KCNH7: variants seen among roughly 807,000 people sequenced by gnomAD.
KCNH7 encodes the protein voltage-gated inwardly rectifying potassium channel KCNH7.
KCNH7 carries 49 observed loss-of-function variants against 120.8 expected under a neutral mutation model. The observed-to-expected ratio is 0.41, with a 90% CI of 0.32 to 0.51. The LOEUF is 0.51. Among genes scored for constraint, KCNH7 ranks in the 20% least tolerant of loss-of-function variants. KCNH7 has a pLI of 0.38. For missense variants in KCNH7, 1,097 were observed against 1,446.6 expected (o/e 0.76, Z 3.92); for synonymous variants, 547 against 516.1 (o/e 1.06, Z -0.81).
chr2:162,803,180 C>T (rs1379336972), intron 2 of KCNH7, among the ~76,000 whole-genome samples: 1 of 151,638 alleles, frequency 6.6e-6, no homozygotes, highest in Non-Finnish European at 1.5e-5. Context: ...CTAAACTTCT[C>T]GATAGACTCC....
chr2:162,550,914 A>G (rs1040022762), intron 2 of KCNH7, among the ~76,000 whole-genome samples: 77 of 150,924 alleles, frequency 5.1e-4, no homozygotes, highest in African/African-American at 1.8e-3. Flanking sequence ...AATAATAATA[A>G]TAAGGCACTA....
intron 2 of KCNH7, among the ~76,000 whole-genome samples, chr2:162,551,726 A>T (rs888061111): frequency 2.8e-4 from 43 of 152,300 alleles, no homozygotes; most frequent in African/African-American, 9.9e-4. Context: ...CACCTCCCAT[A>T]ATCAATACTT....
At chr2:162,632,205 C>T (rs1306926079) in intron 2 of KCNH7, among the ~76,000 whole-genome samples, 4 of 151,704 alleles carry the variant, frequency 2.6e-5, no homozygotes, top group South Asian at 2.1e-4. Flanking sequence ...ACAGCTTTTC[C>T]GTAAAGCAGG....
chr2:162,529,201 C>T (rs563783784), intron 3 of KCNH7, among the ~76,000 whole-genome samples: 3 of 152,006 alleles, frequency 2.0e-5, no homozygotes, highest in Admixed American at 6.6e-5. Context: ...TGTAAGTAAA[C>T]AATGAGTTTG....
intron 2 of KCNH7, among the ~76,000 whole-genome samples, chr2:162,656,320 T>C (rs1479139781): frequency 1.3e-5 from 2 of 152,194 alleles, no homozygotes; most frequent in Non-Finnish European, 2.9e-5. Context: ...ATAAAGTCTG[T>C]AAAGACCATA....
chr2:162,601,904 A>G (rs116350948), intron 2 of KCNH7, among the ~76,000 whole-genome samples: 6,784 of 152,188 alleles, frequency 0.045, 237 homozygotes, highest in Middle Eastern at 0.095. Context: ...ATAAAAGTGA[A>G]AGTAGTTTAG....
intron 2 of KCNH7, among the ~76,000 whole-genome samples, chr2:162,782,788 C>A (rs2105498463): frequency 6.6e-6 from 1 of 152,290 alleles, no homozygotes; most frequent in Non-Finnish European, 1.5e-5. Flanking sequence ...CAAGGCCATC[C>A]ATGGAACAGG....
chr2:162,582,148 A>T (rs1693890630), intron 2 of KCNH7, among the ~76,000 whole-genome samples: 1 of 152,060 alleles, frequency 6.6e-6, no homozygotes, highest in African/African-American at 2.4e-5. Flanking sequence ...AAAGGTCAAG[A>T]TTACCCCTGC....
chr2:162,465,043 G>C (rs1239359586), intron 6 of KCNH7, among the ~76,000 whole-genome samples: 1 of 152,092 alleles, frequency 6.6e-6, no homozygotes, highest in African/African-American at 2.4e-5. Flanking sequence ...ACATCAGAAA[G>C]GGGAAAGTCT....
At chr2:162,699,552 A>T (rs1686414803) in intron 2 of KCNH7, among the ~76,000 whole-genome samples, 1 of 152,170 alleles carries the variant, frequency 6.6e-6, no homozygotes, top group African/African-American at 2.4e-5. Flanking sequence ...TCTGGGTTGC[A>T]TGTGCAGAAT....
chr2:162,392,923 T>C (rs915907351), intron 12 of KCNH7, among the ~76,000 whole-genome samples: 1 of 151,424 alleles, frequency 6.6e-6, no homozygotes, highest in Admixed American at 6.6e-5. Context: ...CAGTGTGGAA[T>C]AGATGAGAGA....
At chr2:162,447,799 CATA>C (rs972969237) in intron 6 of KCNH7, among the ~76,000 whole-genome samples, 32 of 152,130 alleles carry the variant, frequency 2.1e-4, no homozygotes, top group African/African-American at 7.2e-4. Flanking sequence ...TTTATCCCCA[CATA>C]ATGAGTTACC....
intron 2 of KCNH7, among the ~76,000 whole-genome samples, chr2:162,704,307 C>A (rs1012754955): frequency 6.6e-6 from 1 of 151,914 alleles, no homozygotes; most frequent in Admixed American, 6.6e-5. Context: ...AAAATAATGG[C>A]AAATCATTAT....
At chr2:162,648,990 G>A (rs1045676526) in intron 2 of KCNH7, among the ~76,000 whole-genome samples, 1 of 152,170 alleles carries the variant, frequency 6.6e-6, no homozygotes. Flanking sequence ...CCAGGTTTTG[G>A]CAGGACATTG....
intron 8 of KCNH7, among the ~76,000 whole-genome samples, chr2:162,433,505 G>C (rs566454732): frequency 4.3e-4 from 66 of 152,108 alleles, no homozygotes; most frequent in African/African-American, 1.5e-3. Context: ...CTTCAACAAA[G>C]TTGATGAAAA....
chr2:162,656,319 G>A lies in KCNH7; in HGVS notation c.308-119239C>T, dbSNP rs1684759549. Among the ~76,000 whole-genome samples the A allele has an allele frequency of 2.0e-5, 3 of 152,118 alleles. No individual in the cohort carries two copies. In the South Asian group the frequency reaches 6.2e-4, roughly 32 times the overall value. ...AAAGACTATATAGATCATAAAGTCTGTAAAGACCATAAAATAGTGGTATGT... is the reference window on the plus strand; with the variant it reads ...AAAGACTATATAGATCATAAAGTCTATAAAGACCATAAAATAGTGGTATGT... On this transcript the variant is annotated intron_variant, in intron 2 of 15. Coordinates refer to ENST00000332142, the MANE Select transcript of KCNH7 (RefSeq NM_033272.4).
At chr2:162,379,771 G>T (rs1686344197) in intron 14 of KCNH7, 82 bp downstream of exon 14, 2 of 1,334,808 alleles carry the variant, frequency 1.5e-6, no homozygotes, top group Admixed American at 2.2e-5. Flanking sequence ...ATGGCAAGGA[G>T]AATTTTCCAT....
At chr2:162,448,321 AC>A (rs1415159803) in intron 6 of KCNH7, among the ~76,000 whole-genome samples, 1 of 152,078 alleles carries the variant, frequency 6.6e-6, no homozygotes, top group African/African-American at 2.4e-5. Context: ...AAGCAGAACT[AC>A]TCAGTATATA....
intron 2 of KCNH7, among the ~76,000 whole-genome samples, chr2:162,599,354 G>T (rs1247253216): frequency 6.6e-6 from 1 of 151,916 alleles, no homozygotes; most frequent in Non-Finnish European, 1.5e-5. Context: ...CATTATTCTG[G>T]GTCTTCTGCA....
Sources: gnomAD v4.1 joint callset for allele counts (sites outside exome capture counted in the v4.1 genomes callset) on GRCh38, gnomAD v4.1.1 for gene constraint, MANE v1.5 for transcripts, NCBI Gene and HGNC (gene_info 2026-07-23, HGNC 2026-07-21) for gene names.